The following LRMDA variants were observed in gnomAD, a reference collection of about 807,000 sequenced individuals.
LRMDA encodes leucine-rich melanocyte differentiation-associated protein.
In LRMDA, 18 loss-of-function variants were observed where a neutral mutation model predicts 29.8. The observed-to-expected ratio is 0.60, with a 90% CI of 0.42 to 0.90. The LOEUF (loss-of-function observed/expected upper bound fraction) is 0.90, where lower values mean the gene tolerates loss of function less well. Among genes scored for constraint, LRMDA ranks in the 40% least tolerant of loss-of-function variants. The probability of loss-of-function intolerance (pLI) is 0.00; values close to 1 mark genes in which losing one functional copy is unlikely to be tolerated. For synonymous variants in LRMDA, 125 were observed against 109.4 expected (o/e 1.14, Z -0.89); for missense variants, 273 against 273.9 (o/e 1.00, Z 0.02).
intron 5 of LRMDA, among the ~76,000 whole-genome samples, chr10:76,104,148 T>C (rs1409278481): frequency 1.3e-5 from 2 of 151,908 alleles, no homozygotes; most frequent in African/African-American, 4.8e-5. Flanking sequence ...GTGTTGTGTT[T>C]GTTTGTGTGT....
chr10:76,257,356 A>G (rs867916068), intron 5 of LRMDA, among the ~76,000 whole-genome samples: 3 of 146,368 alleles, frequency 2.0e-5, no homozygotes, highest in Non-Finnish European at 3.0e-5. Flanking sequence ...TTTTTGAGAC[A>G]AAGTCTCACT....
chr10:76,261,317 C>T (rs1238096485), intron 5 of LRMDA, among the ~76,000 whole-genome samples: 1 of 151,958 alleles, frequency 6.6e-6, no homozygotes, highest in Non-Finnish European at 1.5e-5. Flanking sequence ...CGTGATCTGC[C>T]TGCCTCGGCC....
intron 5 of LRMDA, among the ~76,000 whole-genome samples, chr10:76,315,741 A>G (rs1012096925): frequency 1.3e-5 from 2 of 151,910 alleles, no homozygotes; most frequent in Non-Finnish European, 2.9e-5. Flanking sequence ...GTGAAACCCC[A>G]CCTTCAAGCC....
At chr10:76,039,630 G>A (rs1050932144) in intron 3 of LRMDA, among the ~76,000 whole-genome samples, 1 of 152,154 alleles carries the variant, frequency 6.6e-6, no homozygotes, top group Non-Finnish European at 1.5e-5. Context: ...ATCACATAGT[G>A]GTTAAGAACA....
intron 2 of LRMDA, among the ~76,000 whole-genome samples, chr10:75,976,147 T>C (rs1196424058): frequency 6.6e-6 from 1 of 152,216 alleles, no homozygotes; most frequent in Non-Finnish European, 1.5e-5. Flanking sequence ...TCTGGTCTGG[T>C]CCTATCAACG....
chr10:76,410,739 A>C (rs1318947091), intron 6 of LRMDA, among the ~76,000 whole-genome samples: 1 of 152,126 alleles, frequency 6.6e-6, no homozygotes, highest in Non-Finnish European at 1.5e-5. Flanking sequence ...GGATCACTTG[A>C]AGTCAGGAGT....
intron 2 of LRMDA, among the ~76,000 whole-genome samples, chr10:75,439,490 C>G (rs1372395804): frequency 6.6e-6 from 1 of 152,164 alleles, no homozygotes; most frequent in Non-Finnish European, 1.5e-5. Flanking sequence ...GAAAATGGAA[C>G]ACAACTCTGG....
chr10:76,327,086 A>G (rs913821991), intron 6 of LRMDA, among the ~76,000 whole-genome samples: 1 of 130,956 alleles, frequency 7.6e-6, no homozygotes, highest in African/African-American at 3.0e-5. Context: ...AGTAAGTCCA[A>G]ATCATCTTTT....
At chr10:75,632,139 C>A (rs560160692) in intron 2 of LRMDA, among the ~76,000 whole-genome samples, 3 of 152,116 alleles carry the variant, frequency 2.0e-5, no homozygotes, top group Non-Finnish European at 2.9e-5. Flanking sequence ...GGTACCATCC[C>A]CTGGGAGCTT....
intron 2 of LRMDA, among the ~76,000 whole-genome samples, chr10:75,452,894 T>C (rs1844476467): frequency 6.6e-6 from 1 of 152,236 alleles, no homozygotes; most frequent in Non-Finnish European, 1.5e-5. Context: ...TGGAAATCAA[T>C]TTCTGATATG....
intron 6 of LRMDA, among the ~76,000 whole-genome samples, chr10:76,504,306 TG>T (rs1024855486): frequency 6.6e-6 from 1 of 152,044 alleles, no homozygotes; most frequent in Non-Finnish European, 1.5e-5. Context: ...TATATTCTGT[TG>T]CAGTTGGGTA....
chr10:76,218,109 T>C (rs1048526283), intron 5 of LRMDA, among the ~76,000 whole-genome samples: 5 of 152,206 alleles, frequency 3.3e-5, no homozygotes, highest in African/African-American at 1.2e-4. Context: ...GTGGAAGGCC[T>C]GGCGGGAGCA....
At chr10:76,134,437 C>G (rs1850057001) in intron 5 of LRMDA, among the ~76,000 whole-genome samples, 1 of 152,180 alleles carries the variant, frequency 6.6e-6, no homozygotes, top group Admixed American at 6.5e-5. Flanking sequence ...AAGACCCCTC[C>G]TAACATGGGA....
intron 2 of LRMDA, among the ~76,000 whole-genome samples, chr10:75,598,064 G>A (rs1840820463): frequency 6.6e-6 from 1 of 152,198 alleles, no homozygotes; most frequent in African/African-American, 2.4e-5. Context: ...TTTTCTTGAT[G>A]TTGAGCAACA....
At chr10:76,010,889 C>G (rs1321887246) in intron 2 of LRMDA, among the ~76,000 whole-genome samples, 1 of 152,222 alleles carries the variant, frequency 6.6e-6, no homozygotes, top group Non-Finnish European at 1.5e-5. Context: ...AACGGAGATC[C>G]TGAGGGTAAA....
At chr10:75,990,019 G>A (rs997063982) in intron 2 of LRMDA, among the ~76,000 whole-genome samples, 5 of 152,086 alleles carry the variant, frequency 3.3e-5, no homozygotes, top group African/African-American at 4.8e-5. Context: ...AGAGGTCTCC[G>A]GCCTTGATAC....
At chr10:75,930,304 G>T (rs146160400) in intron 2 of LRMDA, among the ~76,000 whole-genome samples, 1 of 152,106 alleles carries the variant, frequency 6.6e-6, no homozygotes, top group Non-Finnish European at 1.5e-5. Flanking sequence ...TCTGTGTTGA[G>T]CTTAGGCCTT....
chr10:76,000,891 T>C (rs1564626934), intron 2 of LRMDA, among the ~76,000 whole-genome samples: 1 of 152,140 alleles, frequency 6.6e-6, no homozygotes, highest in East Asian at 1.9e-4. Flanking sequence ...CCCTTCCCGC[T>C]TCTCCACCAT....
intron 2 of LRMDA, among the ~76,000 whole-genome samples, chr10:75,504,565 C>A (rs890127127): frequency 1.3e-5 from 2 of 152,050 alleles, no homozygotes; most frequent in African/African-American, 4.8e-5. Context: ...CATGTAATAA[C>A]GTCTGTAGTA....
Sources: gnomAD v4.1 joint callset for allele counts (sites outside exome capture counted in the v4.1 genomes callset) on GRCh38, gnomAD v4.1.1 for gene constraint, MANE v1.5 for transcripts, NCBI Gene and HGNC (gene_info 2026-07-23, HGNC 2026-07-21) for gene names.